The following TMEM230 variants were observed in gnomAD, a reference collection of about 807,000 sequenced individuals.
The protein encoded by TMEM230 is UPF0414 transmembrane protein C20orf30.
A neutral mutation model predicts 15.8 loss-of-function variants in TMEM230; 10 were observed. The ratio of observed to expected loss-of-function variants is 0.63; its 90% CI spans 0.39 to 1.07. The LOEUF (loss-of-function observed/expected upper bound fraction) is 1.07, where lower values mean the gene tolerates loss of function less well. TMEM230 is among the 50% of genes least tolerant of loss of function. The pLI, the probability that TMEM230 is intolerant of heterozygous loss-of-function variation, is 0.01. For missense variants in TMEM230, 165 were observed against 193.3 expected (o/e 0.85, Z 0.87); for synonymous variants, 67 against 76.9 (o/e 0.87, Z 0.68).
At chr20:5,067,756 C>T (rs866396257), downstream of TMEM230, among the ~76,000 whole-genome samples, 2 of 139,672 alleles carry the variant, frequency 1.4e-5, 1 homozygote, top group African/African-American at 5.4e-5. Context: ...ACCCAGCCCC[C>T]CTCTGCTTTT....
At chr20:5,087,900 C>T (rs1273773811) in intron 3 of TMEM230, among the ~76,000 whole-genome samples, 2 of 148,058 alleles carry the variant, frequency 1.4e-5, no homozygotes, top group Admixed American at 1.3e-4. Context: ...AACATGTTGG[C>T]CAGGTGAGTC....
intron 4 of TMEM230, among the ~76,000 whole-genome samples, chr20:5,104,416 A>C (rs1600392625): frequency 6.6e-6 from 1 of 152,232 alleles, no homozygotes; most frequent in African/African-American, 2.4e-5. Context: ...GGACGTGGAG[A>C]AAAGGGAACC....
At chr20:5,082,389 T>C (rs1333722130) in intron 3 of TMEM230, among the ~76,000 whole-genome samples, 1 of 151,844 alleles carries the variant, frequency 6.6e-6, no homozygotes, top group Non-Finnish European at 1.5e-5. Flanking sequence ...TGCAGGTGCA[T>C]GCCACCATGC....
chr20:5,083,700 C>G (rs1285743433), intron 3 of TMEM230, among the ~76,000 whole-genome samples: 1 of 152,182 alleles, frequency 6.6e-6, no homozygotes, highest in Non-Finnish European at 1.5e-5. Flanking sequence ...AAGCATTCTA[C>G]TAGGCTTGTT....
At chr20:5,074,586 C>A (rs1413097245) in intron 3 of TMEM230, among the ~76,000 whole-genome samples, 1 of 152,058 alleles carries the variant, frequency 6.6e-6, no homozygotes, top group Non-Finnish European at 1.5e-5. Flanking sequence ...CAAAATAAAA[C>A]TTTCCTCCTG....
At chr20:5,063,892 G>C (rs1435520059), downstream of TMEM230, among the ~76,000 whole-genome samples, 1 of 152,084 alleles carries the variant, frequency 6.6e-6, no homozygotes, top group Non-Finnish European at 1.5e-5. Flanking sequence ...CATAATTAGA[G>C]AGCTACATGT....
downstream of TMEM230, among the ~76,000 whole-genome samples, chr20:5,097,969 A>ATTTTTTTT (rs5840073): frequency 4.5e-5 from 3 of 67,242 alleles, no homozygotes; most frequent in African/African-American, 1.2e-4. Context: ...CTAACTCAGG[A>ATTTTTTTT]TTTTTTTTTT....
intron 3 of TMEM230, among the ~76,000 whole-genome samples, chr20:5,088,264 G>A (rs1277797815): frequency 4.1e-5 from 6 of 147,218 alleles, no homozygotes; most frequent in African/African-American, 7.6e-5. Context: ...AGCCGAGGTC[G>A]TGCCACTGTA....
At chr20:5,093,334 AC>A (rs1160575623) in intron 3 of TMEM230, among the ~76,000 whole-genome samples, 3 of 151,846 alleles carry the variant, frequency 2.0e-5, no homozygotes, top group Non-Finnish European at 1.5e-5. Flanking sequence ...TGCAACCTCC[AC>A]CTCCTGGGCT....
intron 3 of TMEM230, among the ~76,000 whole-genome samples, chr20:5,073,354 T>G (rs894508037): frequency 1.3e-5 from 2 of 152,234 alleles, no homozygotes; most frequent in African/African-American, 2.4e-5. Context: ...GGAGCCCTAG[T>G]TGAAGCAGCC....
chr20:5,098,832 T>C (rs2089744010), downstream of TMEM230, among the ~76,000 whole-genome samples: 2 of 152,162 alleles, frequency 1.3e-5, no homozygotes, highest in African/African-American at 2.4e-5. Context: ...AACCATACAA[T>C]GGGAGCCCAA....
chr20:5,088,371 G>GA (rs913727532), intron 3 of TMEM230, among the ~76,000 whole-genome samples: 4 of 151,714 alleles, frequency 2.6e-5, no homozygotes, highest in Non-Finnish European at 5.9e-5. Context: ...CCTTAAAAGG[G>GA]AAAAAAAGCC....
chr20:5,074,312 C>T lies in TMEM230; in HGVS notation c.223-4963G>A, dbSNP rs73589357. On this transcript the variant is annotated intron_variant, in intron 3 of 3. Transcript: ENST00000612323. ...CTCCCTACCAGGAAGAGTAGAATAA[C>T]GCTTAATCACCATTATCACTGGAGA... is the stretch of plus-strand genomic sequence containing the variant. 7.9e-4 allele frequency among the ~76,000 whole-genome samples: 121 copies of T among 152,256 alleles called. 1 individual carries two copies. The highest frequency in any genetic ancestry group is 2.8e-3 in the African/African-American group (116 of 41,544).
At chr20:5,074,474 A>C in intron 3 of TMEM230, among the ~76,000 whole-genome samples, 1 of 151,956 alleles carries the variant, frequency 6.6e-6, no homozygotes, top group African/African-American at 2.4e-5. Context: ...TTGTCTAGTT[A>C]CCTCTCCACA....
chr20:5,095,812 T>C (rs1295010195), downstream of TMEM230, among the ~76,000 whole-genome samples: 1 of 152,216 alleles, frequency 6.6e-6, no homozygotes, highest in Non-Finnish European at 1.5e-5. Flanking sequence ...CCAAGTGATG[T>C]TGATGCTGCC....
Position 5,094,151 on chromosome 20 carries a change from G to A in TMEM230, c.222+12037C>T, listed in dbSNP as rs188859563. On this transcript the variant is annotated intron_variant, in intron 3 of 3. Coordinates refer to the TMEM230 transcript ENST00000612323. ...TTTTTGTATTTTTAGTTGAGACGGC[G>A]TTTCACCATGGTGCTCAGGCTGGTC... 4.6e-5 allele frequency among the ~76,000 whole-genome samples: 7 copies of A among 150,898 alleles called. No individual in the cohort carries two copies. In the South Asian group the frequency reaches 8.4e-4, roughly 18 times the overall value.
At chr20:5,096,352 T>C (rs2089664224), downstream of TMEM230, among the ~76,000 whole-genome samples, 1 of 152,194 alleles carries the variant, frequency 6.6e-6, no homozygotes, top group Admixed American at 6.5e-5. Flanking sequence ...GAGGTAGGAA[T>C]TGTTCTATCC....
intron 3 of TMEM230, among the ~76,000 whole-genome samples, chr20:5,089,670 C>A (rs2089451973): frequency 1.3e-5 from 2 of 151,908 alleles, no homozygotes; most frequent in Admixed American, 6.6e-5. Context: ...CACTGCACTC[C>A]AGCCTGGGCA....
At chr20:5,071,133 T>C (rs1360203185) in intron 3 of TMEM230, among the ~76,000 whole-genome samples, 1 of 152,134 alleles carries the variant, frequency 6.6e-6, no homozygotes, top group Non-Finnish European at 1.5e-5. Flanking sequence ...CCAGAAATGA[T>C]GGTAAAGCTT....
Sources: allele counts gnomAD v4.1 joint callset (sites outside exome capture counted in the v4.1 genomes callset), GRCh38; gene constraint gnomAD v4.1.1; transcripts MANE v1.5; gene names NCBI Gene and HGNC (gene_info 2026-07-23, HGNC 2026-07-21).